The following ANKRD17 variants were observed in gnomAD, a reference collection of about 807,000 sequenced individuals.
The protein encoded by ANKRD17 is ankyrin repeat domain-containing protein 17.
A neutral mutation model predicts 229.7 loss-of-function variants in ANKRD17; 19 were observed. The observed-to-expected ratio is 0.08, with a 90% CI of 0.06 to 0.12. The LOEUF (loss-of-function observed/expected upper bound fraction) is 0.12, where lower values mean the gene tolerates loss of function less well. ANKRD17 is among the 10% of genes least tolerant of loss of function. ANKRD17 has a pLI of 1.00. For missense variants in ANKRD17, 2,176 were observed against 3,176.8 expected (o/e 0.68, Z 7.57); for synonymous variants, 1,112 against 1,146.1 (o/e 0.97, Z 0.60).
intron 1 of ANKRD17, among the ~76,000 whole-genome samples, chr4:73,200,393 G>GT (rs1578368846): frequency 6.6e-6 from 1 of 152,066 alleles, no homozygotes; most frequent in Admixed American, 6.6e-5. Context: ...GCCCAAAAGT[G>GT]TAAGACGAGC....
intron 7 of ANKRD17, among the ~76,000 whole-genome samples, chr4:73,150,835 C>T (rs964702230): frequency 1.3e-5 from 2 of 151,980 alleles, no homozygotes; most frequent in Non-Finnish European, 2.9e-5. Flanking sequence ...GAGCCATTCC[C>T]GAATACAAAC....
chr4:73,168,178 C>T (rs1016279037), intron 2 of ANKRD17, among the ~76,000 whole-genome samples: 1 of 151,850 alleles, frequency 6.6e-6, no homozygotes, highest in African/African-American at 2.4e-5. Context: ...AAAAAATTTA[C>T]TGTATTACAA....
At chr4:73,169,873 T>C (rs1204415171) in intron 2 of ANKRD17, among the ~76,000 whole-genome samples, 1 of 151,964 alleles carries the variant, frequency 6.6e-6, no homozygotes, top group Non-Finnish European at 1.5e-5. Flanking sequence ...TGGAGGGAGC[T>C]TTTGGACCAG....
intron 22 of ANKRD17, among the ~76,000 whole-genome samples, chr4:73,116,856 T>C: frequency 6.6e-6 from 1 of 152,016 alleles, no homozygotes; most frequent in East Asian, 1.9e-4. Flanking sequence ...ACACAACATA[T>C]ACTATGTTGC....
At chr4:73,217,498 A>T (rs1025995536) in intron 1 of ANKRD17, among the ~76,000 whole-genome samples, 3 of 152,130 alleles carry the variant, frequency 2.0e-5, no homozygotes, top group African/African-American at 7.2e-5. Context: ...AAAATCTGAA[A>T]TGCTCCAAAA....
chr4:73,098,994 G>T, intron 25 of ANKRD17: 1 of 980,004 alleles, frequency 1.0e-6, no homozygotes, highest in Non-Finnish European at 1.6e-6. Context: ...AAGAGACCTT[G>T]GGGCCAACCA....
At chr4:73,093,058 C>A (rs1182376456) in intron 28 of ANKRD17, among the ~76,000 whole-genome samples, 4 of 152,106 alleles carry the variant, frequency 2.6e-5, no homozygotes, top group African/African-American at 4.8e-5. Context: ...GAAAACCAGT[C>A]AGAAGGAGAG....
intron 24 of ANKRD17, among the ~76,000 whole-genome samples, chr4:73,105,509 G>A (rs1724506466): frequency 6.6e-6 from 1 of 151,996 alleles, no homozygotes; most frequent in African/African-American, 2.4e-5. Flanking sequence ...AATGGGAAAA[G>A]GAAGGCCAGA....
intron 19 of ANKRD17, 136 bp from the exon 20 acceptor site, chr4:73,121,230 T>G (rs1442880863): frequency 2.2e-5 from 18 of 809,480 alleles, no homozygotes; most frequent in Non-Finnish European, 3.6e-5. Context: ...TCAACCTTAG[T>G]AAGTCTCTGA....
Position 73,085,414 on chromosome 4 carries a change from C to G in ANKRD17, c.6994G>C (p.Val2332Leu). The stretch of plus-strand genomic sequence containing the variant: ...CCCAAATGTGTTGAAGAAGGTGTTA[C>G]AGAACCATATGGCGAGTCCATATTG... Reference protein sequence around the residue: ...IVNMDSPYGSVTPSSTHLGNF... With the variant: ...IVNMDSPYGSLTPSSTHLGNF... The change falls in exon 30 of 34, where the codon GTA (valine) becomes CTA (leucine). Residue 2332 changes from valine (V) to leucine (L), a missense_variant. Coordinates refer to ENST00000358602, the MANE Select transcript of ANKRD17 (RefSeq NM_032217.5). 6.2e-7 allele frequency: 1 copy of G among 1,614,050 alleles called. No homozygotes were observed. The highest frequency in any genetic ancestry group is 8.5e-7 in the Non-Finnish European group (1 of 1,180,004).
intron 1 of ANKRD17, among the ~76,000 whole-genome samples, chr4:73,193,440 C>A (rs1047536407): frequency 2.6e-5 from 4 of 152,174 alleles, no homozygotes. Flanking sequence ...CAGACTTTTA[C>A]GTGACACCAC....
rs115855277 is a variant in ANKRD17, at chr4:73,121,748, T to C, written c.3504A>G (p.Leu1168=). Residue 1168 remains leucine (L), a synonymous_variant, in exon 19 of 34, where the codon CTA becomes CTG. Transcript: ENST00000358602. ...CTTTATTTGCCCCTCGAGCTAACAA[T>C]AGCTCCACCACCTGAAAATAAAATA... is the stretch of plus-strand genomic sequence containing the variant. ...CSGGRQEVVE[L]LLARGANKEH... 2,833 of 1,599,918 alleles carry C rather than the reference T, an allele frequency of 1.8e-3. 9 individuals are homozygous for C. The highest frequency in any genetic ancestry group is 2.5e-3 in the Admixed American group (142 of 56,174).
intron 1 of ANKRD17, among the ~76,000 whole-genome samples, chr4:73,209,576 G>A (rs1412121782): frequency 1.3e-5 from 2 of 151,980 alleles, no homozygotes; most frequent in Admixed American, 6.6e-5. Flanking sequence ...CCAAACTTTC[G>A]GAAAACAGAA....
In ANKRD17 at chr4:73,115,750, T is replaced by C. The variant is rs1725863875; in HGVS notation, c.4284+71A>G. 5.7e-6 allele frequency: 7 copies of C among 1,234,930 alleles called. No individual in the cohort carries two copies. In the South Asian group the frequency reaches 9.1e-5, roughly 16 times the overall value. 76.5% of individuals were successfully genotyped at this position (1,234,930 alleles called of 1,614,324 possible). On this transcript the variant is annotated intron_variant, in intron 23 of 33. Coordinates refer to ENST00000358602, the MANE Select transcript of ANKRD17 (RefSeq NM_032217.5). ...ACATATTACACTTTACTACTCAAACTAGGAATTCTTAGAATGGAAGATATA... is the reference window on the plus strand; with the variant it reads ...ACATATTACACTTTACTACTCAAACCAGGAATTCTTAGAATGGAAGATATA...
chr4:73,124,810 T>C, intron 18 of ANKRD17, 103 bp downstream of exon 18: 1 of 1,377,446 alleles, frequency 7.3e-7, no homozygotes, highest in South Asian at 1.5e-5. Context: ...TTGTGAGAAA[T>C]CTAAACGTCA....
rs1175850592 is a variant in ANKRD17 at position 73,110,011 on chromosome 4, C to CAAA, written c.4401+3778_4401+3780dup. Among the ~76,000 whole-genome samples the CAAA allele has an allele frequency of 1.9e-3, 62 of 33,220 alleles. 2 individuals carry two copies. Among genetic ancestry groups the CAAA allele is most frequent in the African/African-American group, 7.4e-3 (53 of 7,146 alleles). The allele number at this position is 33,220 out of a possible 152,430, so 21.8% of individuals were successfully genotyped here. ...ATTACCTAGCTCCCTAAAAGTTTAC[C>CAAA]AAAAAAAAAAAAAAAAAAAAAAAAG... On this transcript the variant is annotated intron_variant, in intron 24 of 33. Coordinates refer to ENST00000358602, the MANE Select transcript of ANKRD17 (RefSeq NM_032217.5).
At chr4:73,095,099 G>A (rs1020252387) in intron 27 of ANKRD17, among the ~76,000 whole-genome samples, 5 of 151,936 alleles carry the variant, frequency 3.3e-5, no homozygotes, top group East Asian at 1.9e-4. Flanking sequence ...ACTTGAATCC[G>A]GGAGATGGAG....
At chr4:73,207,914 C>T (rs1192455684) in intron 1 of ANKRD17, among the ~76,000 whole-genome samples, 1 of 152,152 alleles carries the variant, frequency 6.6e-6, no homozygotes, top group Non-Finnish European at 1.5e-5. Flanking sequence ...TGAGGCCGGG[C>T]ACAGTGGCTC....
At chr4:73,174,140 A>AGGAAGGAAGGAAGGAAGGAAGGAG in intron 2 of ANKRD17, among the ~76,000 whole-genome samples, 1 of 151,610 alleles carries the variant, frequency 6.6e-6, no homozygotes, top group Non-Finnish European at 1.5e-5. Context: ...GAAGGAAGGA[A>AGGAAGGAAGGAAGGAAGGAAGGAG]GAAAACTACA....
Sources: allele counts gnomAD v4.1 joint callset (sites outside exome capture counted in the v4.1 genomes callset), GRCh38; gene constraint gnomAD v4.1.1; transcripts MANE v1.5; gene names NCBI Gene and HGNC (gene_info 2026-07-23, HGNC 2026-07-21).